The following CTNNA2 variants were observed in gnomAD, a reference collection of about 807,000 sequenced individuals.
CTNNA2 encodes catenin alpha-2.
A neutral mutation model predicts 101.0 loss-of-function variants in CTNNA2; 42 were observed. The ratio of observed to expected loss-of-function variants is 0.42; its 90% CI spans 0.32 to 0.54. The LOEUF (loss-of-function observed/expected upper bound fraction) is 0.54, where lower values mean the gene tolerates loss of function less well. Among genes scored for constraint, CTNNA2 ranks in the 20% least tolerant of loss-of-function variants. CTNNA2 has a pLI of 0.14. For synonymous variants in CTNNA2, 450 were observed against 456.4 expected (o/e 0.99, Z 0.18); for missense variants, 871 against 1,223.1 (o/e 0.71, Z 4.29).
intron 14 of CTNNA2, among the ~76,000 whole-genome samples, chr2:80,582,461 CAG>C (rs1228480952): frequency 6.6e-6 from 1 of 152,126 alleles, no homozygotes; most frequent in African/African-American, 2.4e-5. Flanking sequence ...CAGGAAGCAA[CAG>C]AGAGAGTACC....
chr2:79,730,848 C>CA (rs1235078867), intron 2 of CTNNA2, among the ~76,000 whole-genome samples: 1 of 149,602 alleles, frequency 6.7e-6, no homozygotes, highest in East Asian at 2.0e-4. Context: ...AAAGGGAGAC[C>CA]AAAAAATAAA....
chr2:80,072,997 G>GA (rs1357851321), intron 7 of CTNNA2, among the ~76,000 whole-genome samples: 1 of 152,120 alleles, frequency 6.6e-6, no homozygotes, highest in South Asian at 2.1e-4. Flanking sequence ...GAAATTAAAG[G>GA]AAAAAACTGG....
intron 6 of CTNNA2, among the ~76,000 whole-genome samples, chr2:79,885,267 G>A (rs1377166330): frequency 2.0e-5 from 3 of 152,142 alleles, no homozygotes; most frequent in Admixed American, 6.5e-5. Flanking sequence ...GAAGGCTTCC[G>A]AATAAGTGAG....
At chr2:80,031,737 T>C (rs1695303663) in intron 7 of CTNNA2, among the ~76,000 whole-genome samples, 1 of 152,234 alleles carries the variant, frequency 6.6e-6, no homozygotes, top group Admixed American at 6.5e-5. Context: ...TATACATGAA[T>C]TCCTATATAA....
At chr2:79,736,817 G>A (rs1245273248) in intron 2 of CTNNA2, among the ~76,000 whole-genome samples, 2 of 152,116 alleles carry the variant, frequency 1.3e-5, no homozygotes, top group Non-Finnish European at 2.9e-5. Context: ...CAAGTCTTTA[G>A]GCATCTAGCA....
Position 80,303,944 on chromosome 2 carries a change from T to G in CTNNA2, c.1057-89267T>G. 1.7e-6 allele frequency: 2 copies of G among 1,163,156 alleles called. No homozygotes were observed. Among genetic ancestry groups the G allele is most frequent in the South Asian group, 2.3e-5 (1 of 43,822 alleles). The allele number at this position is 1,163,156 out of a possible 1,614,324, so 72.1% of individuals were successfully genotyped here. On this transcript the variant is annotated intron_variant, in intron 7 of 18. Coordinates refer to ENST00000402739, the MANE Select transcript of CTNNA2 (RefSeq NM_001282597.3). The surrounding 1 kb of genome is among the most constrained non-coding windows in gnomAD (Gnocchi z 7.7). Reference sequence around the variant, plus strand: ...GGGGAGAAAAGGGCAAAAAATCAAATAAATACATAGAAATAAAGAAGGACC... The same window carrying G: ...GGGGAGAAAAGGGCAAAAAATCAAAGAAATACATAGAAATAAAGAAGGACC...
At chr2:80,183,884 G>GGTGT (rs35982231) in intron 7 of CTNNA2, among the ~76,000 whole-genome samples, 13 of 149,446 alleles carry the variant, frequency 8.7e-5, no homozygotes, top group East Asian at 5.9e-4. Context: ...TGTGCTCTTG[G>GGTGT]GTGTGTGTGT....
intron 7 of CTNNA2, among the ~76,000 whole-genome samples, chr2:79,915,627 A>AGACTAG (rs1193480067): frequency 6.6e-6 from 1 of 152,250 alleles, no homozygotes; most frequent in Non-Finnish European, 1.5e-5. Flanking sequence ...GAACAAAATG[A>AGACTAG]GAACGAAGTG....
chr2:80,135,783 TGAAA>T (rs1558840921), intron 7 of CTNNA2, among the ~76,000 whole-genome samples: 1 of 152,170 alleles, frequency 6.6e-6, no homozygotes, highest in Non-Finnish European at 1.5e-5. Flanking sequence ...CTTGGCTCCC[TGAAA>T]GAGTTATATC....
At chr2:79,291,735 T>C (rs1025051576) in intron 2 of CTNNA2, among the ~76,000 whole-genome samples, 5 of 152,224 alleles carry the variant, frequency 3.3e-5, no homozygotes, top group Non-Finnish European at 5.9e-5. Flanking sequence ...GGCTACATTA[T>C]TTGTGAATAG....
intron 1 of CTNNA2, among the ~76,000 whole-genome samples, chr2:79,531,395 C>T (rs1433525797): frequency 6.6e-6 from 1 of 151,692 alleles, no homozygotes; most frequent in Admixed American, 6.6e-5. Flanking sequence ...AGACTTTGTT[C>T]TCAGACATGA....
chr2:79,199,755 G>T (rs982985353), intron 2 of CTNNA2, among the ~76,000 whole-genome samples: 4 of 152,254 alleles, frequency 2.6e-5, no homozygotes, highest in Admixed American at 2.6e-4. Flanking sequence ...TTCAGTTTTT[G>T]GTGAGGGTCC....
At chr2:79,768,092 C>T (rs1474056688) in intron 3 of CTNNA2, among the ~76,000 whole-genome samples, 1 of 151,696 alleles carries the variant, frequency 6.6e-6, no homozygotes, top group Non-Finnish European at 1.5e-5. Flanking sequence ...ATCTGTGGTT[C>T]ACCCTGGCTA....
chr2:79,241,024 G>T (rs2104254815), intron 2 of CTNNA2, among the ~76,000 whole-genome samples: 1 of 152,006 alleles, frequency 6.6e-6, no homozygotes, highest in Non-Finnish European at 1.5e-5. Context: ...TCCCTTTTTG[G>T]TAAGGAATTT....
chr2:79,418,511 T>G (rs920444514), intron 4 of CTNNA2, among the ~76,000 whole-genome samples: 1 of 152,140 alleles, frequency 6.6e-6, no homozygotes, highest in Non-Finnish European at 1.5e-5. Context: ...ACTGTTATAA[T>G]TTTTGCAAAG....
At chr2:80,620,869 G>A (rs1558651431) in intron 18 of CTNNA2, among the ~76,000 whole-genome samples, 1 of 151,914 alleles carries the variant, frequency 6.6e-6, no homozygotes, top group Non-Finnish European at 1.5e-5. Context: ...AGTTAAGAAC[G>A]GTTGTGTTGT....
chr2:79,913,817 G>T (rs1685981415), intron 7 of CTNNA2, among the ~76,000 whole-genome samples: 1 of 152,174 alleles, frequency 6.6e-6, no homozygotes, highest in Non-Finnish European at 1.5e-5. Flanking sequence ...CAGCTCATAT[G>T]ATATCTTCAT....
At chr2:79,507,291 T>C (rs1446359028) in intron 5 of CTNNA2, among the ~76,000 whole-genome samples, 1 of 152,222 alleles carries the variant, frequency 6.6e-6, no homozygotes, top group African/African-American at 2.4e-5. Context: ...AATGTTCATG[T>C]GTTGCAAACT....
At chr2:79,762,598 T>C (rs1672867798) in intron 3 of CTNNA2, among the ~76,000 whole-genome samples, 1 of 152,172 alleles carries the variant, frequency 6.6e-6, no homozygotes, top group African/African-American at 2.4e-5. Context: ...AAATTGAAGA[T>C]AATTTATCTA....
Sources: gnomAD v4.1 joint callset for allele counts (sites outside exome capture counted in the v4.1 genomes callset) on GRCh38, gnomAD v4.1.1 for gene constraint, Gnocchi (gnomAD v3.1) non-coding constraint, MANE v1.5 for transcripts, NCBI Gene and HGNC (gene_info 2026-07-23, HGNC 2026-07-21) for gene names.